The following KCNQ5 variants were observed in gnomAD, a reference collection of about 807,000 sequenced individuals.
The protein encoded by KCNQ5 is potassium voltage-gated channel subfamily Q member 5.
Under a neutral mutation model 98.2 loss-of-function variants are expected in KCNQ5, and 30 were observed. The ratio of observed to expected loss-of-function variants is 0.31; its 90% confidence interval spans 0.23 to 0.41. KCNQ5 has a LOEUF of 0.41. Ranked by LOEUF, KCNQ5 falls within the 10% of genes least tolerant of loss-of-function variation. The pLI is 1.00. For missense variants in KCNQ5, 835 were observed against 1,182.5 expected (o/e 0.71, Z 4.31); for synonymous variants, 458 against 449.4 (o/e 1.02, Z -0.24).
chr6:73,150,250 C>T (rs1777097436), intron 10 of KCNQ5, among the ~76,000 whole-genome samples: 1 of 151,874 alleles, frequency 6.6e-6, no homozygotes, highest in Admixed American at 6.6e-5. Context: ...GGATCACTTA[C>T]ACATTGCTGG....
At chr6:73,001,697 C>A (rs1769576941) in intron 1 of KCNQ5, among the ~76,000 whole-genome samples, 1 of 152,220 alleles carries the variant, frequency 6.6e-6, no homozygotes, top group African/African-American at 2.4e-5. Context: ...ATCCTCCCAA[C>A]TACCTTAGTA....
At chr6:73,102,461 A>G (rs569897594) in intron 5 of KCNQ5, among the ~76,000 whole-genome samples, 2 of 152,318 alleles carry the variant, frequency 1.3e-5, no homozygotes, top group Admixed American at 6.5e-5. Context: ...CAACCCACAG[A>G]ATGGGAGAAA....
chr6:72,752,701 G>A (rs930885690), intron 1 of KCNQ5, among the ~76,000 whole-genome samples: 11 of 152,078 alleles, frequency 7.2e-5, no homozygotes, highest in Non-Finnish European at 1.2e-4. Context: ...GCTAACAAAC[G>A]AGAACAGCCA....
chr6:73,005,709 C>T (rs372745783), intron 2 of KCNQ5, among the ~76,000 whole-genome samples: 1 of 152,148 alleles, frequency 6.6e-6, no homozygotes, highest in Non-Finnish European at 1.5e-5. Flanking sequence ...AGATGTCAGT[C>T]TTGAATGCTT....
chr6:73,045,567 T>G (rs1771924961), intron 3 of KCNQ5, among the ~76,000 whole-genome samples: 1 of 152,210 alleles, frequency 6.6e-6, no homozygotes, highest in Non-Finnish European at 1.5e-5. Flanking sequence ...ACTGGCTGCT[T>G]TATGATTTCT....
At chr6:73,067,861 AAGATATATATATATATATATATATAT>A (rs1773120603) in intron 3 of KCNQ5, among the ~76,000 whole-genome samples, 1 of 104,374 alleles carries the variant, frequency 9.6e-6, no homozygotes, top group African/African-American at 3.8e-5. Flanking sequence ...ATTTGGACAA[AAGATATATATATATATATATATATAT>A]ATATATATAT....
At chr6:72,983,786 C>CT (rs111347315) in intron 1 of KCNQ5, among the ~76,000 whole-genome samples, 120,423 of 151,960 alleles carry the variant, frequency 0.79, 49,420 homozygotes, top group Non-Finnish European at 0.9. Context: ...CTTTTCTGTT[C>CT]TTGTTTCTCC....
chr6:72,914,164 G>T (rs930994343), intron 1 of KCNQ5, among the ~76,000 whole-genome samples: 1 of 152,094 alleles, frequency 6.6e-6, no homozygotes, highest in African/African-American at 2.4e-5. Flanking sequence ...CACCAATGGA[G>T]TCCTTGTATT....
Position 72,702,793 on chromosome 6 carries a change from G to A in KCNQ5, c.398+80206G>A, listed in dbSNP as rs190868576. 6.6e-5 allele frequency among the ~76,000 whole-genome samples: 10 copies of A among 152,182 alleles called. No homozygotes were observed. In the East Asian group the frequency reaches 1.7e-3, roughly 26 times the overall value. ...TACGGTATGATTTCACTTCGTACAG[G>A]TACACTTTTGGCAGATTCAGATAAA... On this transcript the variant is annotated intron_variant, in intron 1 of 13. Coordinates refer to ENST00000370398, the MANE Select transcript of KCNQ5 (RefSeq NM_019842.4).
At chr6:72,776,662 CATA>C (rs1046848660) in intron 1 of KCNQ5, among the ~76,000 whole-genome samples, 1 of 152,104 alleles carries the variant, frequency 6.6e-6, no homozygotes, top group African/African-American at 2.4e-5. Context: ...TGCCCAAGGT[CATA>C]ATAAATTTGT....
intron 1 of KCNQ5, among the ~76,000 whole-genome samples, chr6:72,867,762 AC>A (rs1280211508): frequency 6.6e-6 from 1 of 151,044 alleles, no homozygotes; most frequent in Non-Finnish European, 1.5e-5. Flanking sequence ...ACATGGCAAA[AC>A]CCCTTCTCTT....
intron 1 of KCNQ5, among the ~76,000 whole-genome samples, chr6:72,960,827 C>T (rs1369851491): frequency 1.3e-5 from 2 of 152,244 alleles, no homozygotes; most frequent in Non-Finnish European, 2.9e-5. Flanking sequence ...CCACTCAGGA[C>T]CCTCTTGTCT....
At chr6:72,845,819 G>A (rs1776994902) in intron 1 of KCNQ5, among the ~76,000 whole-genome samples, 1 of 152,156 alleles carries the variant, frequency 6.6e-6, no homozygotes, top group South Asian at 2.1e-4. Flanking sequence ...AATTAGAAAT[G>A]TTGGTAGCAG....
chr6:72,988,629 G>A (rs1768935041), intron 1 of KCNQ5, among the ~76,000 whole-genome samples: 1 of 147,368 alleles, frequency 6.8e-6, no homozygotes, highest in Admixed American at 7.1e-5. Flanking sequence ...ATAAAACTTG[G>A]GGAAAAAAAG....
At position 72,758,726 on chromosome 6, in the gene KCNQ5, A is replaced by G. The variant is rs552292641; in HGVS notation, c.398+136139A>G. Among the ~76,000 whole-genome samples, 5 of 152,300 alleles carry G rather than the reference A, an allele frequency of 3.3e-5. No individual in the cohort carries two copies. The South Asian group carries it at 1.0e-3, about 32-fold the overall frequency. On this transcript the variant is annotated intron_variant, in intron 1 of 13. Transcript: ENST00000370398. ...ATTCAGTGCCTATAATCATCTTTGA[A>G]TACACTCATTTATTTAGACTGTGCA...
At chr6:73,172,840 C>T (rs1174744554) in intron 11 of KCNQ5, among the ~76,000 whole-genome samples, 1 of 152,034 alleles carries the variant, frequency 6.6e-6, no homozygotes, top group Non-Finnish European at 1.5e-5. Context: ...GTAGTTTTTC[C>T]TAGCAGCCAA....
chr6:73,053,989 A>G (rs958589457), intron 3 of KCNQ5, among the ~76,000 whole-genome samples: 1 of 152,118 alleles, frequency 6.6e-6, no homozygotes, highest in Non-Finnish European at 1.5e-5. Context: ...CAAAATAAAC[A>G]CAATCAGAAA....
intron 11 of KCNQ5, among the ~76,000 whole-genome samples, chr6:73,171,243 C>A (rs12199673): frequency 0.099 from 15,064 of 152,198 alleles, 757 homozygotes; most frequent in African/African-American, 0.11. Context: ...CTCAATGGAA[C>A]CCTCAAGTCA....
intron 1 of KCNQ5, among the ~76,000 whole-genome samples, chr6:72,848,370 G>A (rs527684500): frequency 5.9e-5 from 9 of 152,024 alleles, no homozygotes; most frequent in African/African-American, 1.2e-4. Flanking sequence ...CCCTACCCCC[G>A]ACAGGCCCAG....
Sources: gnomAD v4.1 joint callset for allele counts (sites outside exome capture counted in the v4.1 genomes callset) on GRCh38, gnomAD v4.1.1 for gene constraint, MANE v1.5 for transcripts, NCBI Gene and HGNC (gene_info 2026-07-23, HGNC 2026-07-21) for gene names.